The following SORCS1 variants were observed in gnomAD, a reference collection of about 807,000 sequenced individuals.
SORCS1 encodes sortilin related VPS10 domain containing receptor 1, also known as VPS10 domain-containing receptor SorCS1.
In SORCS1, 60 loss-of-function variants were observed where a neutral mutation model predicts 146.1. The observed-to-expected ratio is 0.41, with a 90% CI of 0.33 to 0.51. The LOEUF (loss-of-function observed/expected upper bound fraction) is 0.51, where lower values mean the gene tolerates loss of function less well. Among genes scored for constraint, SORCS1 ranks in the 20% least tolerant of loss-of-function variants. SORCS1 has a pLI of 0.21. For missense variants in SORCS1, 1,352 were observed against 1,487.6 expected (o/e 0.91, Z 1.50); for synonymous variants, 637 against 584.0 (o/e 1.09, Z -1.31).
chr10:107,049,278 G>T (rs1959857426), intron 1 of SORCS1, among the ~76,000 whole-genome samples: 1 of 106,356 alleles, frequency 9.4e-6, no homozygotes, highest in Non-Finnish European at 1.8e-5. Context: ...GTGGGGTGGG[G>T]GGAGGGGGGA....
chr10:107,039,374 G>T (rs150711901), intron 1 of SORCS1, among the ~76,000 whole-genome samples: 48 of 149,682 alleles, frequency 3.2e-4, no homozygotes, highest in Admixed American at 1.3e-3. Flanking sequence ...CTGAAAGTAT[G>T]CCAAACTAAC....
chr10:106,757,322 T>C (rs562769444), intron 5 of SORCS1, among the ~76,000 whole-genome samples: 6 of 152,170 alleles, frequency 3.9e-5, no homozygotes, highest in Middle Eastern at 6.8e-3. Flanking sequence ...GATTTAACAC[T>C]AGAGAAATCT....
Position 106,634,457 on chromosome 10 carries a change from G to A in SORCS1, c.2476-5069C>T, listed in dbSNP as rs1848617121. Among the ~76,000 whole-genome samples, 6 of 152,220 alleles carry A rather than the reference G, an allele frequency of 3.9e-5. No homozygotes were observed. The South Asian group carries it at 1.2e-3, about 31-fold the overall frequency. ...TATAACAGAAAAACTGGAGCACAGA[G>A]GGGTTAAGATGCATAAAGTCACGCA... is the stretch of plus-strand genomic sequence containing the variant. On this transcript the variant is annotated intron_variant, in intron 18 of 25. Transcript: ENST00000263054.
chr10:106,998,304 T>C (rs1957081805), intron 1 of SORCS1, among the ~76,000 whole-genome samples: 1 of 152,234 alleles, frequency 6.6e-6, no homozygotes, highest in Admixed American at 6.5e-5. Context: ...ACAGCACTCA[T>C]ACAGCTGGCT....
intron 18 of SORCS1, among the ~76,000 whole-genome samples, chr10:106,639,636 A>G (rs1848937264): frequency 6.6e-6 from 1 of 152,174 alleles, no homozygotes; most frequent in Non-Finnish European, 1.5e-5. Flanking sequence ...TTACCTTACT[A>G]GAGTCAAAGA....
At chr10:106,805,136 G>A (rs973410531) in intron 3 of SORCS1, among the ~76,000 whole-genome samples, 3 of 152,178 alleles carry the variant, frequency 2.0e-5, no homozygotes, top group African/African-American at 7.2e-5. Flanking sequence ...ATATACAGCA[G>A]TTAAGTTCAT....
intron 2 of SORCS1, among the ~76,000 whole-genome samples, chr10:106,853,398 T>C (rs1222291197): frequency 5.7e-5 from 4 of 70,384 alleles, no homozygotes; most frequent in Non-Finnish European, 1.5e-4. Context: ...ATTTTCTTGA[T>C]TTTTTTTTTT....
intron 16 of SORCS1, among the ~76,000 whole-genome samples, chr10:106,668,936 C>T (rs1296473195): frequency 1.3e-4 from 20 of 152,074 alleles, no homozygotes; most frequent in South Asian, 2.1e-4. Flanking sequence ...GTGTAATCAC[C>T]GAAACTCCAG....
In SORCS1 at chr10:106,776,636, T is replaced by C. The variant is rs1036968901; in HGVS notation, c.783A>G (p.Glu261=). The C allele has an allele frequency of 1.9e-6, 3 of 1,613,992 alleles. No homozygotes were observed. Reference sequence around the variant, plus strand: ...GCCGGTACTTTTGATAAGTTGCCCCTTCATCTGAGCTGATCAATAAACTGC... The same window carrying C: ...GCCGGTACTTTTGATAAGTTGCCCCCTCATCTGAGCTGATCAATAAACTGC... ...IESSLLISSD[E]GATYQKYRLN... is the part of the protein sequence containing the mutation. Residue 261 remains glutamate (E), a synonymous_variant, in exon 4 of 26, where the codon GAA becomes GAG. Transcript: ENST00000263054.
intron 1 of SORCS1, among the ~76,000 whole-genome samples, chr10:107,047,673 G>A (rs1010370437): frequency 3.3e-5 from 5 of 152,052 alleles, no homozygotes; most frequent in East Asian, 1.9e-4. Flanking sequence ...TAGCCAAAAC[G>A]GACCATTTGT....
rs140518540 is a variant in SORCS1 at position 106,826,523 on chromosome 10, A to G, written c.726+3051T>C. ...CTCATTGATTGGAGAAAATATATTC[A>G]CACTTTAAAATGTTGTGCAAGTACT... On this transcript the variant is annotated intron_variant, in intron 3 of 25. Coordinates refer to ENST00000263054, the MANE Select transcript of SORCS1 (RefSeq NM_052918.5). 3.2e-4 allele frequency among the ~76,000 whole-genome samples: 48 copies of G among 152,310 alleles called. 1 individual carries two copies. The East Asian group carries it at 8.3e-3, about 26-fold the overall frequency.
At chr10:106,800,603 G>A (rs1038711566) in intron 3 of SORCS1, among the ~76,000 whole-genome samples, 10 of 145,022 alleles carry the variant, frequency 6.9e-5, no homozygotes, top group Non-Finnish European at 1.5e-4. Flanking sequence ...CTCACTGCAA[G>A]CTCCACCTCC....
At chr10:106,913,684 G>C (rs769880522) in intron 2 of SORCS1, among the ~76,000 whole-genome samples, 22 of 152,228 alleles carry the variant, frequency 1.4e-4, no homozygotes, top group Non-Finnish European at 2.6e-4. Flanking sequence ...TTTAACGCAT[G>C]CAAAATGGAG....
intron 1 of SORCS1, among the ~76,000 whole-genome samples, chr10:107,110,038 C>T (rs1200298817): frequency 6.6e-6 from 1 of 152,146 alleles, no homozygotes; most frequent in Non-Finnish European, 1.5e-5. Flanking sequence ...CTTCAGTTCC[C>T]AAAAGCTCCT....
At chr10:106,983,527 A>G (rs1956327217) in intron 1 of SORCS1, among the ~76,000 whole-genome samples, 3 of 152,078 alleles carry the variant, frequency 2.0e-5, no homozygotes, top group Admixed American at 6.6e-5. Context: ...TTATTCTGTG[A>G]TACAATAATT....
At chr10:106,686,940 A>G (rs759163637) in intron 10 of SORCS1, among the ~76,000 whole-genome samples, 4 of 152,130 alleles carry the variant, frequency 2.6e-5, no homozygotes, top group Non-Finnish European at 5.9e-5. Context: ...GAACAACTAT[A>G]TATGTGTAGT....
At chr10:106,849,986 C>G (rs1949482953) in intron 2 of SORCS1, among the ~76,000 whole-genome samples, 2 of 152,174 alleles carry the variant, frequency 1.3e-5, no homozygotes, top group South Asian at 4.1e-4. Flanking sequence ...CTGCTGTCTT[C>G]AAAGCTGTCA....
chr10:106,785,537 G>A (rs1209087647), intron 3 of SORCS1, among the ~76,000 whole-genome samples: 2 of 152,100 alleles, frequency 1.3e-5, no homozygotes, highest in Non-Finnish European at 2.9e-5. Flanking sequence ...CACTCAGAGG[G>A]TAGAGGGAAT....
intron 18 of SORCS1, among the ~76,000 whole-genome samples, chr10:106,643,754 AGAT>A (rs1348675731): frequency 1.3e-5 from 2 of 152,240 alleles, no homozygotes; most frequent in Non-Finnish European, 2.9e-5. Context: ...ACCCAGTGTG[AGAT>A]GCCTGATGAT....
Sources: gnomAD v4.1 joint callset for allele counts (sites outside exome capture counted in the v4.1 genomes callset) on GRCh38, gnomAD v4.1.1 for gene constraint, MANE v1.5 for transcripts, NCBI Gene and HGNC (gene_info 2026-07-23, HGNC 2026-07-21) for gene names.